Variants in DLG2 observed in about 807,000 individuals in gnomAD.
DLG2 encodes the protein disks large homolog 2.
In DLG2, 45 loss-of-function variants were observed where a neutral mutation model predicts 132.5. That is an observed-to-expected ratio of 0.34 (90% CI 0.27 to 0.44). The LOEUF is 0.44. DLG2 is among the 20% of genes least tolerant of loss of function. The probability of loss-of-function intolerance (pLI) is 1.00; values close to 1 mark genes in which losing one functional copy is unlikely to be tolerated. For synonymous variants in DLG2, 424 were observed against 419.6 expected (o/e 1.01, Z -0.13); for missense variants, 1,045 against 1,196.9 (o/e 0.87, Z 1.87).
chr11:83,553,482 CCGTG>C (rs1029062176), intron 19 of DLG2, among the ~76,000 whole-genome samples: 3 of 91,022 alleles, frequency 3.3e-5, no homozygotes, highest in African/African-American at 1.7e-4. Context: ...GAAGTAAGCA[CCGTG>C]TGTGTGTGTG....
At chr11:84,649,618 C>G (rs1344374604) in intron 6 of DLG2, among the ~76,000 whole-genome samples, 1 of 152,140 alleles carries the variant, frequency 6.6e-6, no homozygotes, top group East Asian at 1.9e-4. Context: ...ACTGCATTTT[C>G]AAAGGGGAAG....
intron 16 of DLG2, among the ~76,000 whole-genome samples, chr11:83,835,345 A>C (rs2055838823): frequency 6.6e-6 from 1 of 152,186 alleles, no homozygotes; most frequent in Admixed American, 6.5e-5. Flanking sequence ...AGTATTTTGG[A>C]GAGAAAAAAA....
At chr11:84,975,556 T>C (rs2054780521) in intron 6 of DLG2, among the ~76,000 whole-genome samples, 1 of 152,202 alleles carries the variant, frequency 6.6e-6, no homozygotes, top group South Asian at 2.1e-4. Flanking sequence ...TGAGTTACAA[T>C]GACATTTTTG....
At chr11:84,146,288 T>C (rs1197835991) in intron 9 of DLG2, among the ~76,000 whole-genome samples, 2 of 152,128 alleles carry the variant, frequency 1.3e-5, no homozygotes, top group African/African-American at 4.8e-5. Flanking sequence ...ATGATTAGAA[T>C]TTAGAAAAGG....
chr11:83,491,353 A>G (rs968086835), intron 21 of DLG2, among the ~76,000 whole-genome samples: 2 of 152,056 alleles, frequency 1.3e-5, no homozygotes, highest in African/African-American at 4.8e-5. Flanking sequence ...TGTGGGAGCT[A>G]ATCCTCTTTT....
chr11:83,482,448 G>A (rs935075820), intron 22 of DLG2, among the ~76,000 whole-genome samples: 7 of 152,046 alleles, frequency 4.6e-5, no homozygotes, highest in African/African-American at 1.7e-4. Flanking sequence ...AAATCATAAT[G>A]TAGTATATTA....
chr11:84,182,225 T>A (rs1277416876), intron 8 of DLG2, among the ~76,000 whole-genome samples: 1 of 152,102 alleles, frequency 6.6e-6, no homozygotes, highest in Admixed American at 6.6e-5. Flanking sequence ...GAAAGACAGC[T>A]GGAAAATTAT....
chr11:84,177,324 T>C (rs1321010138), intron 8 of DLG2, among the ~76,000 whole-genome samples: 1 of 152,148 alleles, frequency 6.6e-6, no homozygotes, highest in African/African-American at 2.4e-5. Flanking sequence ...CTACGCACTC[T>C]AATACACACA....
intron 7 of DLG2, among the ~76,000 whole-genome samples, chr11:84,256,983 C>A (rs777378173): frequency 6.6e-6 from 1 of 152,152 alleles, no homozygotes; most frequent in Non-Finnish European, 1.5e-5. Flanking sequence ...CCAGTCAGAC[C>A]ATATGCTAAT....
intron 9 of DLG2, among the ~76,000 whole-genome samples, chr11:84,136,464 T>C (rs992990430): frequency 6.6e-6 from 1 of 152,206 alleles, no homozygotes. Context: ...TTAGGAGCTG[T>C]TATTACATCA....
At chr11:85,468,254 A>G (rs1208084565) in intron 3 of DLG2, among the ~76,000 whole-genome samples, 1 of 152,076 alleles carries the variant, frequency 6.6e-6, no homozygotes, top group African/African-American at 2.4e-5. Context: ...GATCTTTTCA[A>G]AAAACCAGCT....
At chr11:84,939,619 C>T (rs972779687) in intron 6 of DLG2, among the ~76,000 whole-genome samples, 1 of 152,102 alleles carries the variant, frequency 6.6e-6, no homozygotes, top group South Asian at 2.1e-4. Flanking sequence ...GTACTATGTC[C>T]ATGAGTTCAA....
chr11:84,689,665 G>C (rs1351072001), intron 6 of DLG2, among the ~76,000 whole-genome samples: 1 of 151,952 alleles, frequency 6.6e-6, no homozygotes, highest in Non-Finnish European at 1.5e-5. Context: ...AATTCTCCAG[G>C]TACAATCAGT....
chr11:85,316,321 C>G (rs1038192706), intron 3 of DLG2, among the ~76,000 whole-genome samples: 1 of 151,974 alleles, frequency 6.6e-6, no homozygotes, highest in African/African-American at 2.4e-5. Context: ...AGACATATTT[C>G]TATAATCTAA....
chr11:84,127,819 T>G (rs1299240612), intron 9 of DLG2, among the ~76,000 whole-genome samples: 1 of 152,172 alleles, frequency 6.6e-6, no homozygotes, highest in African/African-American at 2.4e-5. Context: ...GAAACAGTCC[T>G]TATTGGATTA....
At chr11:84,188,532 T>G (rs11233935) in intron 8 of DLG2, among the ~76,000 whole-genome samples, 8 of 152,186 alleles carry the variant, frequency 5.3e-5, no homozygotes, top group Non-Finnish European at 7.4e-5. Flanking sequence ...TAACTCCTGG[T>G]TCCAGACTCT....
intron 6 of DLG2, among the ~76,000 whole-genome samples, chr11:85,074,928 T>C (rs1331318699): frequency 2.0e-5 from 3 of 151,892 alleles, no homozygotes; most frequent in Non-Finnish European, 4.4e-5. Context: ...TGAAGTTACA[T>C]TAAGCCTAAT....
intron 6 of DLG2, among the ~76,000 whole-genome samples, chr11:84,633,602 A>G (rs1165356447): frequency 6.7e-6 from 1 of 150,160 alleles, no homozygotes; most frequent in Non-Finnish European, 1.5e-5. Flanking sequence ...CTCACCGTGT[A>G]TTATGACTAT....
intron 15 of DLG2, among the ~76,000 whole-genome samples, chr11:83,927,431 A>G (rs1454163367): frequency 6.6e-6 from 1 of 152,188 alleles, no homozygotes; most frequent in Non-Finnish European, 1.5e-5. Flanking sequence ...TTAAGCTTGG[A>G]TCTAAGATGA....
Sources: allele counts gnomAD v4.1 joint callset (sites outside exome capture counted in the v4.1 genomes callset), GRCh38; gene constraint gnomAD v4.1.1; transcripts MANE v1.5; gene names NCBI Gene and HGNC (gene_info 2026-07-23, HGNC 2026-07-21).